LRP1: variants seen among roughly 807,000 people sequenced by gnomAD.
The protein encoded by LRP1 is LDL receptor related protein 1.
Under a neutral mutation model 541.5 loss-of-function variants are expected in LRP1, and 51 were observed. That is an observed-to-expected ratio of 0.09 (90% CI 0.08 to 0.12). The LOEUF (loss-of-function observed/expected upper bound fraction) is 0.12. LRP1 is among the 10% of genes least tolerant of loss of function. The pLI is 1.00. For missense variants in LRP1, 3,878 were observed against 6,376.2 expected, an observed-to-expected ratio of 0.61 and a Z score of 13.34; for synonymous variants, 2,219 against 2,470.8, an observed-to-expected ratio of 0.90 and a Z score of 3.02.
rs751028509 is a variant in LRP1, at chr12:57,173,752, G to A, written c.3347-28G>A. Reference sequence around the variant, plus strand: ...AGGGGGAGCCCCAGTCCCCGGGCCTGGGCCCTCATAGTGCACCTGTCCCTC... The same window carrying A: ...AGGGGGAGCCCCAGTCCCCGGGCCTAGGCCCTCATAGTGCACCTGTCCCTC... On this transcript the variant is annotated intron_variant, in intron 21 of 88. Coordinates refer to ENST00000243077, the MANE Select transcript of LRP1 (RefSeq NM_002332.3). The surrounding 1 kb of genome is among the most constrained non-coding windows in gnomAD (Gnocchi z 4.7). The A allele has an allele frequency of 1.4e-5, 23 of 1,612,432 alleles. No homozygotes were observed. In the South Asian group the frequency reaches 2.2e-4, roughly 15 times the overall value.
In LRP1 at chr12:57,211,903, C is replaced by A. The variant is rs769073556; in HGVS notation, c.13259-24C>A. 3 of 1,613,774 alleles carry A rather than the reference C, an allele frequency of 1.9e-6. No homozygotes were observed. The highest frequency in any genetic ancestry group is 1.7e-5 in the Admixed American group (1 of 60,022). On this transcript the variant is annotated intron_variant, in intron 86 of 88. Transcript: ENST00000243077. This position sits in a 1 kb window ranked among gnomAD's most constrained non-coding sequence, Gnocchi z 4.3. ...CCTGCTTCCCTGAGCCTTGGTGACT[C>A]AGTGTCCCACCTCTTCCCTCCAGAT...
chr12:57,210,790 GTGCCAACAACAGCACCTGCAC>G lies in LRP1; in HGVS notation c.12830_12850del (p.Ala4277_Thr4283del). On this transcript the variant is annotated inframe_deletion, in exon 83 of 89. Transcript: ENST00000243077. ...ACCCAGCAGGTGTGTGCGGGCTACTGTGCCAACAACAGCACCTGCACTGTCAACCAGGGCAACCAGCCCCAG... is the reference window on the plus strand; with the variant it reads ...ACCCAGCAGGTGTGTGCGGGCTACTGTGTCAACCAGGGCAACCAGCCCCAG... The G allele has an allele frequency of 6.2e-7, 1 of 1,613,580 alleles. No homozygotes were observed. The highest frequency in any genetic ancestry group is 8.5e-7 in the Non-Finnish European group (1 of 1,179,904).
At position 57,161,119 on chromosome 12, in the gene LRP1, G is replaced by C. The variant is rs370683159; in HGVS notation, c.2202+4G>C. ...GCTCAATGGCACAGACCGGAAGGTG[G>C]GCAGGCATGTGCCTGTGTGGGGGAA... On this transcript the variant is annotated splice_donor_region_variant and intron_variant, in intron 13 of 88. Transcript: ENST00000243077. 3.7e-6 allele frequency: 6 copies of C among 1,611,600 alleles called. No individual in the cohort carries two copies. Among genetic ancestry groups the C allele is most frequent in the Non-Finnish European group, 5.1e-6 (6 of 1,179,728 alleles).
rs755868917 is a variant in LRP1, at chr12:57,197,610, G to A, written c.9228G>A (p.Val3076=). The A allele has an allele frequency of 6.6e-5, 107 of 1,613,914 alleles. No individual in the cohort carries two copies. The highest frequency in any genetic ancestry group is 8.5e-5 in the Non-Finnish European group (100 of 1,180,016). ...AGCAGATGATCTACTGGACAGATGT[G>A]ACCACCCAGGGCAGCATGATCCGAA... ...YREQMIYWTD[V]TTQGSMIRRM... Residue 3076 remains valine (V), a synonymous_variant, in exon 58 of 89, where the codon GTG becomes GTA. Coordinates refer to ENST00000243077, the MANE Select transcript of LRP1 (RefSeq NM_002332.3). The surrounding 1 kb of genome is among the most constrained non-coding windows in gnomAD (Gnocchi z 4.5).
chr12:57,200,826 G>GGGGGGCGGC lies in LRP1; in HGVS notation c.10225+11_10225+12insGGGGGCGGC. On this transcript the variant is annotated intron_variant, in intron 64 of 88. Transcript: ENST00000243077. Reference sequence around the variant, plus strand: ...ACGAGGCCAACTGTGGTAAGGCGCTGCCCGCCCACCCTCCCTCCTTCCCCA... The same window carrying GGGGGGCGGC: ...ACGAGGCCAACTGTGGTAAGGCGCTGGGGGGCGGCCCCGCCCACCCTCCCTCCTTCCCCA... 6.3e-7 allele frequency: 1 copy of GGGGGGCGGC among 1,581,436 alleles called. No homozygotes were observed. Among genetic ancestry groups the GGGGGGCGGC allele is most frequent in the Non-Finnish European group, 8.6e-7 (1 of 1,157,678 alleles).
intron 6 of LRP1, chr12:57,148,942 C>G (rs868217037): frequency 1.7e-6 from 1 of 576,060 alleles, no homozygotes; most frequent in Middle Eastern, 2.6e-4. Flanking sequence ...CTTCACTTTT[C>G]CCTTCCTCTC....
rs1266951180 is a variant in LRP1, at chr12:57,128,686, G to A, written c.-279G>A. On this transcript the variant is annotated 5_prime_UTR_variant, in exon 1 of 89. Coordinates refer to ENST00000243077, the MANE Select transcript of LRP1 (RefSeq NM_002332.3). The stretch of plus-strand genomic sequence containing the variant: ...CGAGATGGGGCTGTGAGCTTCGCCC[G>A]GGGAGGGGGAAAGAGCAGCGAGGAG... 9.7e-6 allele frequency: 4 copies of A among 411,514 alleles called. No individual in the cohort carries two copies. The highest frequency in any genetic ancestry group is 7.0e-5 in the East Asian group (2 of 28,492). The allele number at this position is 411,514 out of a possible 1,614,324, so 25.5% of individuals were successfully genotyped here. A position where few individuals can be genotyped will look rare whatever the true frequency, so the allele number is the denominator to read the frequency against.
At chr12:57,167,196 C>G (rs976951691) in intron 18 of LRP1, 150 bp downstream of exon 18, 9 of 698,666 alleles carry the variant, frequency 1.3e-5, no homozygotes, top group Non-Finnish European at 2.0e-5. Context: ...GAGGAGAGCC[C>G]CATCATCACA....
At chr12:57,146,016 T>C (rs772040437) in intron 6 of LRP1, among the ~76,000 whole-genome samples, 16 of 152,266 alleles carry the variant, frequency 1.1e-4, no homozygotes, top group Non-Finnish European at 1.9e-4. Context: ...TTTGTGGCAG[T>C]GAATGAGGCT....
chr12:57,179,081 C>A lies in LRP1; in HGVS notation c.4738+60C>A. 6.4e-7 allele frequency: 1 copy of A among 1,573,052 alleles called. No individual in the cohort carries two copies. Among genetic ancestry groups the A allele is most frequent in the Non-Finnish European group, 8.6e-7 (1 of 1,161,764 alleles). On this transcript the variant is annotated intron_variant, in intron 28 of 88. Transcript: ENST00000243077. The surrounding 1 kb of genome is among the most constrained non-coding windows in gnomAD (Gnocchi z 6.8). ...TGAGGCTGGAGGGAAGGCCGCAGGC[C>A]CCAGGATCCCGGTTGTCAGCTAAGG...
rs1389586627 is a variant in LRP1, at chr12:57,181,195, G to A, written c.5566G>A (p.Asp1856Asn). The A allele has an allele frequency of 1.9e-6, 3 of 1,613,718 alleles. No individual in the cohort carries two copies. Among genetic ancestry groups the A allele is most frequent in the African/African-American group, 2.7e-5 (2 of 74,940 alleles). ...GTNPCSVNNG[D>N]CSQLCLPTSE... ...CAACCCCTGCAGTGTCAACAACGGTGACTGCTCCCAGCTCTGCCTGCCCAC... is the reference window on the plus strand; with the variant it reads ...CAACCCCTGCAGTGTCAACAACGGTAACTGCTCCCAGCTCTGCCTGCCCAC... Residue 1856 changes from aspartate (D) to asparagine (N), a missense_variant, in exon 34 of 89, where the codon GAC (aspartate) becomes AAC (asparagine). Asp to Asn is a conservative substitution (Grantham distance 23). This residue lies in a region of LRP1 where 394 missense variants were observed against 635.9 expected (regional missense o/e 0.62). Coordinates refer to ENST00000243077, the MANE Select transcript of LRP1 (RefSeq NM_002332.3).
At chr12:57,142,821 G>A (rs1375318633) in intron 3 of LRP1, among the ~76,000 whole-genome samples, 1 of 152,158 alleles carries the variant, frequency 6.6e-6, no homozygotes, top group Non-Finnish European at 1.5e-5. Context: ...TGGAAGTGGG[G>A]AGGAGAAAGA....
intron 1 of LRP1, 114 bp downstream of exon 1, chr12:57,129,145 A>C (rs969909848): frequency 5.2e-6 from 6 of 1,143,220 alleles, no homozygotes; most frequent in Admixed American, 2.0e-5. Flanking sequence ...TTGTTATCCC[A>C]GTCCAGCTGA....
At position 57,208,910 on chromosome 12, in the gene LRP1, G is replaced by A. The variant is rs2036847290; in HGVS notation, c.12145+93G>A. The A allele has an allele frequency of 3.9e-5, 47 of 1,215,718 alleles. No individual in the cohort carries two copies. The South Asian group carries it at 4.5e-4, about 12-fold the overall frequency. The allele number at this position is 1,215,718 out of a possible 1,614,324, so 75.3% of individuals were successfully genotyped here. Reference sequence around the variant, plus strand: ...TGAAGTCACACAAAAGCAAGGGATGGGATGGGGCTTGGACTGGGGCAGGGC... The same window carrying A: ...TGAAGTCACACAAAAGCAAGGGATGAGATGGGGCTTGGACTGGGGCAGGGC... On this transcript the variant is annotated intron_variant, in intron 78 of 88. Coordinates refer to ENST00000243077, the MANE Select transcript of LRP1 (RefSeq NM_002332.3).
chr12:57,169,046 G>A (rs1434076788), intron 19 of LRP1, 94 bp from the exon 20 acceptor site: 2 of 1,103,924 alleles, frequency 1.8e-6, no homozygotes, highest in African/African-American at 1.5e-5. Flanking sequence ...GTGGGCTGAG[G>A]GTGGGTTCTG....
Position 57,159,813 on chromosome 12 carries a change from T to C in LRP1, c.1799-12T>C. 6.2e-7 allele frequency: 1 copy of C among 1,613,494 alleles called. No homozygotes were observed. Among genetic ancestry groups the C allele is most frequent in the Non-Finnish European group, 8.5e-7 (1 of 1,179,434 alleles). On this transcript the variant is annotated splice_polypyrimidine_tract_variant and intron_variant, in intron 11 of 88. Coordinates refer to ENST00000243077, the MANE Select transcript of LRP1 (RefSeq NM_002332.3). The stretch of plus-strand genomic sequence containing the variant: ...TGAAGCTGTTCATCACTGGTCCCTC[T>C]TCCCCCAACAGGCATCCACAATGTG...
In LRP1 at chr12:57,194,695, C is replaced by T. The variant is rs2036490719; in HGVS notation, c.8187C>T (p.His2729=). The change falls in exon 50 of 89, where the codon CAC becomes CAT. Residue 2729 remains histidine, a synonymous_variant. Transcript: ENST00000243077. ...GTGAACATGGCGAGGACGAGACCCA[C>T]TGCAGTGAGTGACCACTGCACCCAC... ...DDCEHGEDET[H]CNKFCSEAQF... The T allele has an allele frequency of 1.9e-6, 3 of 1,560,552 alleles. No individual in the cohort carries two copies. In the Admixed American group the frequency reaches 5.5e-5, roughly 29 times the overall value.
rs2035987244 is a variant in LRP1, at chr12:57,173,673, A to C, written c.3347-107A>C. The C allele has an allele frequency of 2.5e-6, 3 of 1,199,560 alleles. No individual in the cohort carries two copies. The African/African-American group carries it at 4.5e-5, about 18-fold the overall frequency. The allele number at this position is 1,199,560 out of a possible 1,614,324, so 74.3% of individuals were successfully genotyped here. A position where few individuals can be genotyped will look rare whatever the true frequency, so the allele number is the denominator to read the frequency against. ...CCTCGGGGTTCCTCGTGGACCCCAC[A>C]GCGTTGCAATCCTGACCCTATTAGA... On this transcript the variant is annotated intron_variant, in intron 21 of 88. Transcript: ENST00000243077. This position sits in a 1 kb window ranked among gnomAD's most constrained non-coding sequence, Gnocchi z 4.7.
rs747239413 is a variant in LRP1, at chr12:57,193,292, C to G, written c.7672C>G (p.Pro2558Ala). ...PHCKDKSDEK[P>A]SYCNSRRCKK... ...CTGCAAGGACAAGTCCGATGAGAAG[C>G]CATCCTACTGCAGTAAGGAGCCCCC... Residue 2558 changes from proline to alanine, a missense_variant, in exon 46 of 89, where the codon CCA becomes GCA. This residue lies in a region of LRP1 where 1,100 missense variants were observed against 1,827.4 expected (regional missense o/e 0.60). Coordinates refer to ENST00000243077, the MANE Select transcript of LRP1 (RefSeq NM_002332.3). The G allele has an allele frequency of 1.2e-6, 2 of 1,612,454 alleles. No individual in the cohort carries two copies. Among genetic ancestry groups the G allele is most frequent in the Admixed American group, 1.7e-5 (1 of 60,024 alleles).
Sources: gnomAD v4.1 joint callset for allele counts (sites outside exome capture counted in the v4.1 genomes callset) on GRCh38, gnomAD v4.1.1 for gene constraint, gnomAD v4.1.1 regional missense constraint, Gnocchi (gnomAD v3.1) non-coding constraint, MANE v1.5 for transcripts, NCBI Gene and HGNC (gene_info 2026-07-23, HGNC 2026-07-21) for gene names.